The following CNNM2 variants were observed in gnomAD, a reference collection of about 807,000 sequenced individuals.
CNNM2 encodes metal transporter CNNM2.
A neutral mutation model predicts 66.9 loss-of-function variants in CNNM2; 12 were observed. The ratio of observed to expected loss-of-function variants is 0.18; its 90% confidence interval spans 0.11 to 0.29. The LOEUF is 0.29. Among genes scored for constraint, CNNM2 ranks in the 10% least tolerant of loss-of-function variants. The probability of loss-of-function intolerance (pLI) is 1.00; values close to 1 mark genes in which losing one functional copy is unlikely to be tolerated. For missense variants in CNNM2, 705 were observed against 1,167.7 expected (o/e 0.60, Z 5.77); for synonymous variants, 557 against 501.8 (o/e 1.11, Z -1.47).
intron 1 of CNNM2, among the ~76,000 whole-genome samples, chr10:102,960,519 GTATT>G (rs915990273): frequency 1.3e-4 from 20 of 152,178 alleles, no homozygotes; most frequent in East Asian, 1.9e-4. Context: ...CCTCCAGTGC[GTATT>G]TATTTATCTT....
At chr10:103,040,918 T>C (rs912310393) in intron 1 of CNNM2, among the ~76,000 whole-genome samples, 1 of 152,194 alleles carries the variant, frequency 6.6e-6, no homozygotes, top group Non-Finnish European at 1.5e-5. Flanking sequence ...ATTCCAGATA[T>C]AGCTAAATAC....
At chr10:102,951,833 C>T (rs1323153295) in intron 1 of CNNM2, among the ~76,000 whole-genome samples, 5 of 149,578 alleles carry the variant, frequency 3.3e-5, no homozygotes, top group East Asian at 2.0e-4. Flanking sequence ...ACAGGAATTT[C>T]GCTCTTGTTG....
At chr10:102,940,359 C>T (rs1269270729) in intron 1 of CNNM2, among the ~76,000 whole-genome samples, 1 of 152,016 alleles carries the variant, frequency 6.6e-6, no homozygotes, top group Non-Finnish European at 1.5e-5. Flanking sequence ...GCCCTTAGCC[C>T]CTCTTATTTG....
intron 1 of CNNM2, among the ~76,000 whole-genome samples, chr10:103,000,932 A>G (rs188293838): frequency 1.3e-5 from 2 of 152,290 alleles, no homozygotes; most frequent in East Asian, 3.9e-4. Flanking sequence ...ATAGAAGCCA[A>G]CCAACTGTCC....
rs914692478 is a variant in CNNM2, at chr10:102,918,907, C to T, written c.427C>T (p.Pro143Ser). Residue 143 changes from proline to serine, a missense_variant, in exon 1 of 8, where the codon CCG becomes TCG. Transcript: ENST00000369878. The surrounding 1 kb of genome is among the most constrained non-coding windows in gnomAD (Gnocchi z 4.1). ...GCTGGGGGGCCCCGCGCCGCCAGAG[C>T]CGGACAGCGGCCCCCAGCGATGCGG... is the stretch of plus-strand genomic sequence containing the variant. ...RGLGGPAPPE[P>S]DSGPQRCGIR... The T allele has an allele frequency of 6.2e-7, 1 of 1,611,366 alleles. No individual in the cohort carries two copies. Among genetic ancestry groups the T allele is most frequent in the Admixed American group, 1.7e-5 (1 of 59,948 alleles).
At chr10:102,934,983 A>AC (rs1193852199) in intron 1 of CNNM2, among the ~76,000 whole-genome samples, 2 of 151,188 alleles carry the variant, frequency 1.3e-5, no homozygotes, top group East Asian at 2.0e-4. Context: ...AGATGGTGAA[A>AC]CCCCGACTCT....
intron 1 of CNNM2, among the ~76,000 whole-genome samples, chr10:102,999,715 G>C (rs1008065698): frequency 7.2e-5 from 11 of 152,014 alleles, no homozygotes; most frequent in Non-Finnish European, 1.3e-4. Flanking sequence ...AAATTCAAGG[G>C]ACACAGAATA....
intron 1 of CNNM2, among the ~76,000 whole-genome samples, chr10:102,946,134 A>G (rs1439794598): frequency 6.6e-6 from 1 of 152,216 alleles, no homozygotes; most frequent in Non-Finnish European, 1.5e-5. Context: ...CTGTAGTTAT[A>G]AAAAGACAGA....
intron 1 of CNNM2, among the ~76,000 whole-genome samples, chr10:102,932,586 A>C (rs548652314): frequency 6.6e-6 from 1 of 152,086 alleles, no homozygotes; most frequent in Non-Finnish European, 1.5e-5. Flanking sequence ...TGAAAATACT[A>C]TTCTTTCTCC....
At chr10:103,027,556 CT>C (rs2064730936) in intron 1 of CNNM2, 1 of 152,128 alleles carries the variant, frequency 6.6e-6, no homozygotes, top group Non-Finnish European at 1.5e-5. Context: ...TGTAGAGTTG[CT>C]ATATTGAACT....
At chr10:102,977,729 G>A (rs775764908) in intron 1 of CNNM2, among the ~76,000 whole-genome samples, 7 of 152,102 alleles carry the variant, frequency 4.6e-5, no homozygotes, top group Admixed American at 2.6e-4. Flanking sequence ...GCTGAGGCAG[G>A]AGAATCACTT....
chr10:102,974,376 A>G (rs1305075277), intron 1 of CNNM2, among the ~76,000 whole-genome samples: 1 of 152,204 alleles, frequency 6.6e-6, no homozygotes, highest in East Asian at 1.9e-4. Flanking sequence ...TGTAGATCCT[A>G]TTTTGACCAT....
intron 1 of CNNM2, among the ~76,000 whole-genome samples, chr10:103,016,997 G>A (rs556978720): frequency 1.3e-5 from 2 of 150,532 alleles, no homozygotes; most frequent in African/African-American, 4.9e-5. Context: ...TTTTTAACCA[G>A]GTTAAAAAAG....
In CNNM2 at chr10:103,089,596, T is replaced by C; in HGVS notation, c.*12416T>C. On this transcript the variant is annotated 3_prime_UTR_variant, in exon 8 of 8. Coordinates refer to ENST00000369878, the MANE Select transcript of CNNM2 (RefSeq NM_017649.5). ...CCCCTCCCTCCCCCGAGTAGAACCC[T>C]AACAGGGACCTCGTTTGTTCCTGTG... 1 of 1,477,572 alleles carries C rather than the reference T, an allele frequency of 6.8e-7. No individual in the cohort carries two copies. Among genetic ancestry groups the C allele is most frequent in the Non-Finnish European group, 9.0e-7 (1 of 1,113,270 alleles). The allele number at this position is 1,477,572 out of a possible 1,614,324, so 91.5% of individuals were successfully genotyped here. A position where few individuals can be genotyped will look rare whatever the true frequency, so the allele number is the denominator to read the frequency against.
At chr10:102,997,061 C>T (rs2064017447) in intron 1 of CNNM2, among the ~76,000 whole-genome samples, 1 of 152,208 alleles carries the variant, frequency 6.6e-6, no homozygotes, top group African/African-American at 2.4e-5. Flanking sequence ...GACATACTCC[C>T]TGATTTTGAT....
At chr10:102,979,305 A>G (rs1015145247) in intron 1 of CNNM2, among the ~76,000 whole-genome samples, 1 of 152,176 alleles carries the variant, frequency 6.6e-6, no homozygotes, top group Admixed American at 6.5e-5. Flanking sequence ...AACTCACTCA[A>G]TAATAGCTGA....
At chr10:103,043,264 T>G (rs1020252051) in intron 1 of CNNM2, among the ~76,000 whole-genome samples, 1 of 152,228 alleles carries the variant, frequency 6.6e-6, no homozygotes, top group Non-Finnish European at 1.5e-5. Context: ...TTGGGTCTTC[T>G]TGACTACTCT....
At chr10:103,018,955 CT>C (rs2064512128) in intron 1 of CNNM2, among the ~76,000 whole-genome samples, 1 of 149,052 alleles carries the variant, frequency 6.7e-6, no homozygotes, top group Non-Finnish European at 1.5e-5. Context: ...TGTACCTGGC[CT>C]GTTTACTCCT....
chr10:102,928,659 G>A (rs757213794), intron 1 of CNNM2, among the ~76,000 whole-genome samples: 5 of 151,934 alleles, frequency 3.3e-5, no homozygotes, highest in South Asian at 2.1e-4. Context: ...TGGCACTGGC[G>A]TCTGGTGAGA....
Sources: gnomAD v4.1 joint callset for allele counts (sites outside exome capture counted in the v4.1 genomes callset) on GRCh38, gnomAD v4.1.1 for gene constraint, Gnocchi (gnomAD v3.1) non-coding constraint, MANE v1.5 for transcripts, NCBI Gene and HGNC (gene_info 2026-07-23, HGNC 2026-07-21) for gene names.